Variants in PHYHD1 observed in about 807,000 individuals in gnomAD.
PHYHD1 encodes phytanoyl-CoA dioxygenase domain-containing protein 1.
A neutral mutation model predicts 43.6 loss-of-function variants in PHYHD1; 42 were observed. The observed-to-expected ratio is 0.96, with a 90% CI of 0.75 to 1.25. The LOEUF (loss-of-function observed/expected upper bound fraction) is 1.25. Ranked by LOEUF, PHYHD1 falls within the 50% of genes most tolerant of loss-of-function variation. The pLI is 0.00. For missense variants in PHYHD1, 342 were observed against 370.8 expected (o/e 0.92, Z 0.64); for synonymous variants, 139 against 143.6 (o/e 0.97, Z 0.23).
chr9:128,935,629 C>T (rs932809706), intron 6 of PHYHD1, among the ~76,000 whole-genome samples: 1 of 150,160 alleles, frequency 6.7e-6, no homozygotes, highest in Non-Finnish European at 1.5e-5. Flanking sequence ...CTTGGCCGGG[C>T]GCGGTGGTTC....
At chr9:128,931,624 A>C (rs1016581087) in intron 4 of PHYHD1, among the ~76,000 whole-genome samples, 1 of 151,962 alleles carries the variant, frequency 6.6e-6, no homozygotes, top group African/African-American at 2.4e-5. Flanking sequence ...TCCTGGGCTC[A>C]CGCCATTCTC....
chr9:128,932,020 A>C (rs1245585431), intron 4 of PHYHD1, among the ~76,000 whole-genome samples: 1 of 150,286 alleles, frequency 6.7e-6, no homozygotes, highest in Non-Finnish European at 1.5e-5. Context: ...TTTTTAGTAG[A>C]GATGGGGTCT....
rs764419314 is a variant in PHYHD1, at chr9:128,933,781, G to A, written c.193-1G>A. The stretch of plus-strand genomic sequence containing the variant: ...AGTCCTCTGATGTCCCCTTTCCACA[G>A]GGCAGCACAGACTATTTCTTGAGCA... On this transcript the variant is annotated splice_acceptor_variant, in intron 4 of 12. Transcript: ENST00000372592. LOFTEE classifies it high-confidence loss of function. 28 of 1,613,938 alleles carry A rather than the reference G, an allele frequency of 1.7e-5. No individual in the cohort carries two copies. The highest frequency in any genetic ancestry group is 2.3e-5 in the Non-Finnish European group (27 of 1,179,922).
intron 4 of PHYHD1, among the ~76,000 whole-genome samples, chr9:128,930,948 C>CAA (rs759485070): frequency 5.3e-5 from 3 of 57,106 alleles, no homozygotes; most frequent in Non-Finnish European, 1.1e-4. Flanking sequence ...GACTCTGTCT[C>CAA]AAAAAAAAAA....
chr9:128,922,259 C>T lies in PHYHD1; in HGVS notation c.-41-24C>T, dbSNP rs1048695852. 5.2e-6 allele frequency: 8 copies of T among 1,545,876 alleles called. No individual in the cohort carries two copies. The African/African-American group carries it at 8.2e-5, about 16-fold the overall frequency. On this transcript the variant is annotated intron_variant, in intron 2 of 12. Transcript: ENST00000372592. ...GGGAAGGGTTAAGTCCTCCCAGGCT[C>T]CTAAACTTTCTCCTCCCCACCAGGA...
chr9:128,941,062 T>C (rs1038577720), intron 11 of PHYHD1, among the ~76,000 whole-genome samples: 3 of 152,152 alleles, frequency 2.0e-5, no homozygotes, highest in African/African-American at 7.2e-5. Flanking sequence ...GCTCAACAAA[T>C]GTTGGCTGTT....
chr9:128,936,642 T>TAAA lies in PHYHD1; in HGVS notation c.434_435insAAA (p.Lys145dup). 1 of 1,552,840 alleles carries TAAA rather than the reference T, an allele frequency of 6.4e-7. No homozygotes were observed. ...TGGTGGTGCAGAGCATGTACATCTTTAAGGTGAGCTCCTTGTCCTTGCCTC... is the reference window on the plus strand; with the variant it reads ...TGGTGGTGCAGAGCATGTACATCTTTAAAAAGGTGAGCTCCTTGTCCTTGCCTC... On this transcript the variant is annotated inframe_insertion, in exon 8 of 13. Transcript: ENST00000372592.
rs1841577173 is a variant in PHYHD1, at chr9:128,942,004, T to C, written c.*291T>C. On this transcript the variant is annotated 3_prime_UTR_variant, in exon 13 of 13. Coordinates refer to ENST00000372592, the MANE Select transcript of PHYHD1 (RefSeq NM_001100876.2). ...TCAGATGGAACTCTGGTTATTATGG[T>C]GTTAGTTATCGAATAAAAACGACTT... is the stretch of plus-strand genomic sequence containing the variant. 1 of 508,452 alleles carries C rather than the reference T, an allele frequency of 2.0e-6. No individual in the cohort carries two copies. The highest frequency in any genetic ancestry group is 1.9e-5 in the African/African-American group (1 of 52,486). The allele number at this position is 508,452 out of a possible 1,614,324, so 31.5% of individuals were successfully genotyped here. A position where few individuals can be genotyped will look rare whatever the true frequency, so the allele number is the denominator to read the frequency against.
intron 9 of PHYHD1, 55 bp downstream of exon 9, chr9:128,937,833 G>C (rs1464834469): frequency 1.9e-6 from 3 of 1,613,390 alleles, no homozygotes; most frequent in Non-Finnish European, 2.5e-6. Context: ...ATCTAAGACA[G>C]CAATGGTTCT....
chr9:128,935,910 A>C (rs912765722), intron 6 of PHYHD1, among the ~76,000 whole-genome samples: 3 of 152,138 alleles, frequency 2.0e-5, no homozygotes, highest in Admixed American at 6.6e-5. Flanking sequence ...TCAAAACTAA[A>C]TAAATAAATA....
intron 4 of PHYHD1, among the ~76,000 whole-genome samples, chr9:128,931,007 G>C (rs1045077233): frequency 6.6e-6 from 1 of 151,256 alleles, no homozygotes; most frequent in Non-Finnish European, 1.5e-5. Context: ...GATTATAGTA[G>C]ACCCTACCTC....
rs751515209 is a variant in PHYHD1, at chr9:128,934,011, G to A, written c.269G>A (p.Gly90Glu). 6.2e-7 allele frequency: 1 copy of A among 1,613,924 alleles called. No homozygotes were observed. Among genetic ancestry groups the A allele is most frequent in the South Asian group, 1.1e-5 (1 of 91,070 alleles). Residue 90 changes from glycine to glutamate, a missense_variant and splice_region_variant, in exon 6 of 13, where the codon GGA (glycine) becomes GAA (glutamate). Gly to Glu is a moderately conservative substitution (Grantham distance 98). Transcript: ENST00000372592. The stretch of plus-strand genomic sequence containing the variant: ...CCTTTATCTGTTCTTTGTGCCACAG[G>A]AAATTTCCTGGTCCCTCCGGAGAAA... ...FFEKGVFDEK[G>E]NFLVPPEKSI...
In PHYHD1 at chr9:128,942,022, A is replaced by G; in HGVS notation, c.*309A>G. On this transcript the variant is annotated 3_prime_UTR_variant, in exon 13 of 13. Transcript: ENST00000372592. ...ATTATGGTGTTAGTTATCGAATAAA[A>G]ACGACTTCAGAATGCAGCTTCCCTA... The G allele has an allele frequency of 2.3e-6, 1 of 426,526 alleles. No homozygotes were observed. The highest frequency in any genetic ancestry group is 4.2e-6 in the Non-Finnish European group (1 of 235,478). 26.4% of individuals were successfully genotyped at this position (426,526 alleles called of 1,614,324 possible).
intron 6 of PHYHD1, 90 bp downstream of exon 6, chr9:128,934,148 G>T: frequency 2.2e-6 from 3 of 1,380,900 alleles, no homozygotes; most frequent in Non-Finnish European, 3.0e-6. Context: ...AACACTTTGA[G>T]AAGTCAAGGT....
At chr9:128,933,955 T>G (rs1841361882) in intron 5 of PHYHD1, 56 bp from the exon 6 acceptor site, 8 of 1,606,562 alleles carry the variant, frequency 5.0e-6, no homozygotes, top group Non-Finnish European at 6.8e-6. Flanking sequence ...TGAAGCCAGC[T>G]GCCCATGGAA....
At position 128,940,593 on chromosome 9, in the gene PHYHD1, C is replaced by T. The variant is rs755006054; in HGVS notation, c.587-6C>T. The T allele has an allele frequency of 5.6e-6, 9 of 1,614,124 alleles. No individual in the cohort carries two copies. The highest frequency in any genetic ancestry group is 7.6e-6 in the Non-Finnish European group (9 of 1,179,992). On this transcript the variant is annotated splice_region_variant and splice_polypyrimidine_tract_variant and intron_variant, in intron 10 of 12. Coordinates refer to ENST00000372592, the MANE Select transcript of PHYHD1 (RefSeq NM_001100876.2). Reference sequence around the variant, plus strand: ...GGAGTTTAAGGCTCTCCATCTTGGCCTGCAGGTGGTGTGTCAAGAAGGATG... The same window carrying T: ...GGAGTTTAAGGCTCTCCATCTTGGCTTGCAGGTGGTGTGTCAAGAAGGATG...
intron 4 of PHYHD1, among the ~76,000 whole-genome samples, chr9:128,929,501 G>A (rs900926723): frequency 1.3e-5 from 2 of 150,312 alleles, no homozygotes; most frequent in Non-Finnish European, 3.0e-5. Context: ...GGTGAAACCC[G>A]GTCTCTACCA....
At chr9:128,926,007 C>A (rs893715922) in intron 3 of PHYHD1, among the ~76,000 whole-genome samples, 3 of 152,202 alleles carry the variant, frequency 2.0e-5, no homozygotes, top group Admixed American at 6.5e-5. Flanking sequence ...AGTAAATTTA[C>A]CTGTGTGGTT....
At chr9:128,933,620 G>A (rs1841352513) in intron 4 of PHYHD1, 162 bp from the exon 5 acceptor site, 1 of 768,270 alleles carries the variant, frequency 1.3e-6, no homozygotes, top group Non-Finnish European at 2.3e-6. Context: ...GGCACTTGAA[G>A]TTCTGGCTCA....
Sources: allele counts gnomAD v4.1 joint callset (sites outside exome capture counted in the v4.1 genomes callset), GRCh38; gene constraint gnomAD v4.1.1; transcripts MANE v1.5; gene names NCBI Gene and HGNC (gene_info 2026-07-23, HGNC 2026-07-21).